The following MAD1L1 variants were observed in gnomAD, a reference collection of about 807,000 sequenced individuals.
The protein encoded by MAD1L1 is mitotic arrest deficient 1 like 1, also known as mitotic spindle assembly checkpoint protein MAD1.
A neutral mutation model predicts 96.9 loss-of-function variants in MAD1L1; 95 were observed. The ratio of observed to expected loss-of-function variants is 0.98; its 90% CI spans 0.83 to 1.16. MAD1L1 has a LOEUF of 1.16. Ranked by LOEUF, MAD1L1 falls within the 50% of genes most tolerant of loss-of-function variation. The pLI is 0.00. For missense variants in MAD1L1, 1,007 were observed against 954.4 expected (o/e 1.06, Z -0.73); for synonymous variants, 473 against 396.6 (o/e 1.19, Z -2.29).
chr7:2,056,912 C>T (rs537040064), intron 12 of MAD1L1, among the ~76,000 whole-genome samples: 1 of 152,220 alleles, frequency 6.6e-6, no homozygotes, highest in African/African-American at 2.4e-5. Context: ...GCCCCACAAC[C>T]TTCCCAAGTA....
chr7:2,228,118 G>A (rs1794002704), intron 3 of MAD1L1, among the ~76,000 whole-genome samples: 1 of 152,012 alleles, frequency 6.6e-6, no homozygotes, highest in Admixed American at 6.6e-5. Flanking sequence ...TCACCACCTT[G>A]CTCTGACTAC....
At chr7:1,980,995 C>T (rs1263423214) in intron 14 of MAD1L1, among the ~76,000 whole-genome samples, 1 of 152,198 alleles carries the variant, frequency 6.6e-6, no homozygotes, top group Non-Finnish European at 1.5e-5. Context: ...GAGATGGAGT[C>T]TCGCTCTGTC....
At chr7:2,211,714 G>A (rs543520808) in intron 10 of MAD1L1, among the ~76,000 whole-genome samples, 7 of 152,242 alleles carry the variant, frequency 4.6e-5, no homozygotes, top group East Asian at 1.9e-4. Flanking sequence ...ACAGCAGCCC[G>A]GGCCGTGCTC....
chr7:2,084,625 C>T (rs1273012464), intron 11 of MAD1L1, among the ~76,000 whole-genome samples: 1 of 152,188 alleles, frequency 6.6e-6, no homozygotes, highest in Non-Finnish European at 1.5e-5. Context: ...ACTGCAGCCG[C>T]CAGCACACCA....
intron 16 of MAD1L1, among the ~76,000 whole-genome samples, chr7:1,937,227 G>A (rs2280546): frequency 0.29 from 44,667 of 152,068 alleles, 7,855 homozygotes; most frequent in East Asian, 0.46. Flanking sequence ...CTCAGTGCCC[G>A]GGAGGGAGGC....
chr7:2,027,015 AAATAAC>A (rs1783022993), intron 12 of MAD1L1, among the ~76,000 whole-genome samples: 1 of 152,204 alleles, frequency 6.6e-6, no homozygotes, highest in Non-Finnish European at 1.5e-5. Context: ...AAGAATAAGC[AAATAAC>A]AATATTGAAA....
chr7:2,042,740 C>G (rs1407851504), intron 12 of MAD1L1, among the ~76,000 whole-genome samples: 3 of 152,196 alleles, frequency 2.0e-5, no homozygotes, highest in Admixed American at 6.5e-5. Flanking sequence ...CTGCCATGAT[C>G]AGAAGCTTCC....
At chr7:1,866,302 G>A (rs1190000568) in intron 18 of MAD1L1, among the ~76,000 whole-genome samples, 1 of 152,212 alleles carries the variant, frequency 6.6e-6, no homozygotes, top group South Asian at 2.1e-4. Flanking sequence ...TAGACGCCTA[G>A]GCCCTTGCGC....
intron 11 of MAD1L1, among the ~76,000 whole-genome samples, chr7:2,116,940 A>C (rs1787735131): frequency 6.6e-6 from 1 of 152,246 alleles, no homozygotes; most frequent in African/African-American, 2.4e-5. Flanking sequence ...GAACAAGTGA[A>C]GGCCCACAGC....
intron 11 of MAD1L1, among the ~76,000 whole-genome samples, chr7:2,095,981 G>A (rs986443340): frequency 1.3e-5 from 2 of 152,224 alleles, no homozygotes; most frequent in African/African-American, 2.4e-5. Flanking sequence ...CAGGAGAGAC[G>A]GGGTCCCTCA....
At chr7:1,993,549 G>A (rs924553776) in intron 14 of MAD1L1, among the ~76,000 whole-genome samples, 1 of 152,182 alleles carries the variant, frequency 6.6e-6, no homozygotes, top group Non-Finnish European at 1.5e-5. Context: ...ACAAGCTTAC[G>A]CCTTCCCTCT....
intron 17 of MAD1L1, among the ~76,000 whole-genome samples, chr7:1,919,894 G>C (rs1006675470): frequency 6.6e-5 from 10 of 152,210 alleles, no homozygotes; most frequent in Non-Finnish European, 1.3e-4. Context: ...CTCTGGGGAG[G>C]GAGCTGAAGT....
In MAD1L1 at chr7:2,103,369, C is replaced by T. The variant is rs543671114; in HGVS notation, c.1074-34031G>A. ...CCTGCCTGCCCCGCCGCTCAGTAGACGGCACATGGGACATCGCCATGCCTA... is the reference window on the plus strand; with the variant it reads ...CCTGCCTGCCCCGCCGCTCAGTAGATGGCACATGGGACATCGCCATGCCTA... On this transcript the variant is annotated intron_variant, in intron 11 of 18. Coordinates refer to ENST00000265854, the MANE Select transcript of MAD1L1 (RefSeq NM_001013836.2). This position sits in a 1 kb window ranked among gnomAD's most constrained non-coding sequence, Gnocchi z 4.3. 6.6e-6 allele frequency among the ~76,000 whole-genome samples: 1 copy of T among 152,274 alleles called. No individual in the cohort carries two copies. Among genetic ancestry groups the T allele is most frequent in the Non-Finnish European group, 1.5e-5 (1 of 68,034 alleles).
chr7:1,972,662 T>A lies in MAD1L1; in HGVS notation c.1505+7791A>T, dbSNP rs76500479. Among the ~76,000 whole-genome samples, 256 of 152,262 alleles carry A rather than the reference T, an allele frequency of 1.7e-3. 2 individuals carry two copies. The highest frequency in any genetic ancestry group is 4.3e-4 in the Non-Finnish European group (29 of 68,016). On this transcript the variant is annotated intron_variant, in intron 15 of 18. Transcript: ENST00000265854. ...TTAATAATTTTCTCTATTTTTTTTTTAATTTCATTGCTTTTTGCTCATGTT... is the reference window on the plus strand; with the variant it reads ...TTAATAATTTTCTCTATTTTTTTTTAAATTTCATTGCTTTTTGCTCATGTT...
intron 13 of MAD1L1, among the ~76,000 whole-genome samples, chr7:2,010,393 A>G (rs1380074536): frequency 6.6e-6 from 1 of 152,188 alleles, no homozygotes; most frequent in Non-Finnish European, 1.5e-5. Context: ...GGGATTCTCC[A>G]CACACCTCCA....
At chr7:1,912,292 G>A (rs554720917) in intron 17 of MAD1L1, among the ~76,000 whole-genome samples, 12 of 152,366 alleles carry the variant, frequency 7.9e-5, no homozygotes, top group African/African-American at 2.9e-4. Flanking sequence ...GGGGGCATGT[G>A]TGGCTCAAAA....
chr7:2,097,455 G>A (rs979889143), intron 11 of MAD1L1, among the ~76,000 whole-genome samples: 6 of 152,174 alleles, frequency 3.9e-5, no homozygotes, highest in East Asian at 3.9e-4. Context: ...TCAGACAGGC[G>A]ACTGCTCCAA....
chr7:2,122,876 C>T (rs1396147190), intron 11 of MAD1L1, among the ~76,000 whole-genome samples: 2 of 152,230 alleles, frequency 1.3e-5, no homozygotes, highest in South Asian at 4.1e-4. Flanking sequence ...TGGGTGGTGA[C>T]GGCCGCCGTC....
intron 17 of MAD1L1, among the ~76,000 whole-genome samples, chr7:1,928,198 CG>C (rs1232245397): frequency 6.8e-6 from 1 of 147,136 alleles, no homozygotes; most frequent in Non-Finnish European, 1.5e-5. Context: ...CACCACCCGC[CG>C]GTCCCTAAAG....
Sources: allele counts gnomAD v4.1 joint callset (sites outside exome capture counted in the v4.1 genomes callset), GRCh38; gene constraint gnomAD v4.1.1; non-coding constraint Gnocchi (gnomAD v3.1); transcripts MANE v1.5; gene names NCBI Gene and HGNC (gene_info 2026-07-23, HGNC 2026-07-21).